KANSL1L: variants seen among roughly 807,000 people sequenced by gnomAD.
KANSL1L encodes KAT8 regulatory NSL complex subunit 1 like, also known as KAT8 regulatory NSL complex subunit 1-like protein.
A neutral mutation model predicts 108.6 loss-of-function variants in KANSL1L; 25 were observed. The ratio of observed to expected loss-of-function variants is 0.23; its 90% CI spans 0.17 to 0.32. The LOEUF (loss-of-function observed/expected upper bound fraction) is 0.32. Ranked by LOEUF, KANSL1L falls within the 10% of genes least tolerant of loss-of-function variation. The pLI, the probability that KANSL1L is intolerant of heterozygous loss-of-function variation, is 1.00. For synonymous variants in KANSL1L, 405 were observed against 395.1 expected, an observed-to-expected ratio of 1.03 and a Z score of -0.30; for missense variants, 1,137 against 1,125.7, an observed-to-expected ratio of 1.01 and a Z score of -0.14.
At chr2:210,091,834 T>C (rs921881486) in intron 5 of KANSL1L, among the ~76,000 whole-genome samples, 1 of 152,192 alleles carries the variant, frequency 6.6e-6, no homozygotes, top group Admixed American at 6.5e-5. Flanking sequence ...GCCCAAAGTA[T>C]ATCCTTTATG....
At position 210,027,440 on chromosome 2, in the gene KANSL1L, C is replaced by T. The variant is rs10173414; in HGVS notation, c.2397-90G>A. The T allele has an allele frequency of 6.7e-4, 524 of 787,354 alleles. 4 individuals carry two copies. In the African/African-American group the frequency reaches 8.5e-3, roughly 13 times the overall value. 48.8% of individuals were successfully genotyped at this position (787,354 alleles called of 1,614,324 possible). On this transcript the variant is annotated intron_variant, in intron 11 of 14. Transcript: ENST00000281772. The stretch of plus-strand genomic sequence containing the variant: ...AGCACAGCTAAATGTATTAGTGTTT[C>T]CTTGGCACTTCCATGGTTCAAATTG...
intron 1 of KANSL1L, among the ~76,000 whole-genome samples, chr2:210,161,172 G>A (rs6435555): frequency 0.33 from 49,327 of 151,466 alleles, 8,070 homozygotes; most frequent in East Asian, 0.51. Context: ...TATTTTTGTA[G>A]AGATGGGGTT....
At position 210,024,060 on chromosome 2, in the gene KANSL1L, A is replaced by G; in HGVS notation, c.2706T>C (p.Pro902=). The G allele has an allele frequency of 1.3e-6, 2 of 1,589,706 alleles. No individual in the cohort carries two copies. The highest frequency in any genetic ancestry group is 1.7e-6 in the Non-Finnish European group (2 of 1,169,430). The change falls in exon 14 of 15, where the codon CCT becomes CCC. Residue 902 remains proline (P), a synonymous_variant. Coordinates refer to ENST00000281772, the MANE Select transcript of KANSL1L (RefSeq NM_152519.4). ...TGGTTTCTTGACTTTGATTTAAAGA[A>G]GGTAAGCCATATGCACACAGATCCT... ...ENQDLCAYGL[P]SLNQSQETKS...
At chr2:210,161,971 T>C (rs966898649) in intron 1 of KANSL1L, among the ~76,000 whole-genome samples, 4 of 151,198 alleles carry the variant, frequency 2.6e-5, no homozygotes, top group Admixed American at 6.6e-5. Flanking sequence ...ATGCCTGTGA[T>C]CCTAGTATTT....
chr2:210,110,694 T>C lies in KANSL1L; in HGVS notation c.1231-6393A>G, dbSNP rs543627245. 3.3e-5 allele frequency among the ~76,000 whole-genome samples: 5 copies of C among 152,240 alleles called. No individual in the cohort carries two copies. In the East Asian group the frequency reaches 9.6e-4, roughly 29 times the overall value. The stretch of plus-strand genomic sequence containing the variant: ...AAATTTGTTTGAACCTCTCAATCTA[T>C]GAGAATTTCACAAAAATGGAAGAGA... On this transcript the variant is annotated intron_variant, in intron 3 of 14. Coordinates refer to ENST00000281772, the MANE Select transcript of KANSL1L (RefSeq NM_152519.4).
chr2:210,165,871 A>T (rs183249960), intron 1 of KANSL1L, among the ~76,000 whole-genome samples: 1 of 152,342 alleles, frequency 6.6e-6, no homozygotes, highest in East Asian at 1.9e-4. Flanking sequence ...ACAGGTGAGT[A>T]CAGTAAGGTA....
rs565551875 is a variant in KANSL1L at position 210,029,834 on chromosome 2, T to C, written c.2240A>G (p.Asn747Ser). 7 of 1,602,456 alleles carry C rather than the reference T, an allele frequency of 4.4e-6. No homozygotes were observed. The highest frequency in any genetic ancestry group is 3.4e-5 in the Admixed American group (2 of 59,590). ...HSNFTAVSNVNVLSRIQNSSR... is the reference protein window; with the variant it reads ...HSNFTAVSNVSVLSRIQNSSR... ...TGAATTCTGGATTCTTGATAAAACG[T>C]TGACATTGGAAACAGCAGTAAAATT... Residue 747 changes from asparagine (N) to serine (S), a missense_variant, in exon 10 of 15, where the codon AAC becomes AGC. Around this residue, in one of 3 missense-constraint regions of KANSL1L, gnomAD observed 575 missense variants for 567.1 expected, o/e 1.01. Coordinates refer to ENST00000281772, the MANE Select transcript of KANSL1L (RefSeq NM_152519.4).
At chr2:210,131,336 C>T (rs1421557265) in intron 2 of KANSL1L, among the ~76,000 whole-genome samples, 3 of 152,174 alleles carry the variant, frequency 2.0e-5, no homozygotes, top group Middle Eastern at 6.8e-3. Context: ...AGAATGGATT[C>T]AAGGTTCATT....
intron 1 of KANSL1L, among the ~76,000 whole-genome samples, chr2:210,169,496 T>C (rs1688199904): frequency 6.6e-6 from 1 of 152,230 alleles, no homozygotes; most frequent in African/African-American, 2.4e-5. Flanking sequence ...GTTTTCTTAT[T>C]TGCACTCATC....
chr2:210,123,707 G>A (rs908360755), intron 3 of KANSL1L, among the ~76,000 whole-genome samples: 1 of 152,024 alleles, frequency 6.6e-6, no homozygotes, highest in Non-Finnish European at 1.5e-5. Context: ...AAGAATAAGT[G>A]TTTGAGGTGA....
intron 2 of KANSL1L, among the ~76,000 whole-genome samples, chr2:210,132,714 TATTTGTTATTTC>T (rs2095133170): frequency 6.6e-6 from 1 of 152,202 alleles, no homozygotes; most frequent in South Asian, 2.1e-4. Context: ...TGCTAGACCC[TATTTGTTATTTC>T]ATTTAGGATT....
At chr2:210,171,658 G>A (rs535371590), upstream of KANSL1L, 106 of 152,134 alleles carry the variant, frequency 7.0e-4, no homozygotes, top group African/African-American at 2.5e-3. Context: ...CCTGGCGAGG[G>A]GGAAAAAAAA....
chr2:210,153,383 A>T (rs1027803302), intron 2 of KANSL1L, 112 bp downstream of exon 2: 12 of 772,456 alleles, frequency 1.6e-5, no homozygotes, highest in African/African-American at 1.3e-4. Context: ...AAAAAAAAAG[A>T]TTATAGCATT....
At chr2:210,056,734 GC>G (rs1305098197) in intron 6 of KANSL1L, among the ~76,000 whole-genome samples, 3 of 152,098 alleles carry the variant, frequency 2.0e-5, no homozygotes, top group Non-Finnish European at 4.4e-5. Flanking sequence ...GCCTGCTTTA[GC>G]CTCCCAAAGA....
At chr2:210,058,987 G>A (rs1463729384) in intron 6 of KANSL1L, among the ~76,000 whole-genome samples, 1 of 151,826 alleles carries the variant, frequency 6.6e-6, no homozygotes, top group Non-Finnish European at 1.5e-5. Context: ...TGACACTTAG[G>A]GAAAACAGAA....
intron 2 of KANSL1L, among the ~76,000 whole-genome samples, chr2:210,132,074 A>G (rs1246537692): frequency 6.6e-6 from 1 of 152,230 alleles, no homozygotes; most frequent in Non-Finnish European, 1.5e-5. Context: ...TATGCTTATA[A>G]GTGGTAAACA....
At chr2:210,172,389 C>G (rs988537436), upstream of KANSL1L, among the ~76,000 whole-genome samples, 1 of 152,170 alleles carries the variant, frequency 6.6e-6, no homozygotes. Context: ...TGGATAAGAT[C>G]CCGGGGGCGG....
intron 3 of KANSL1L, among the ~76,000 whole-genome samples, chr2:210,114,302 G>A (rs1454340616): frequency 1.3e-5 from 2 of 151,810 alleles, no homozygotes; most frequent in African/African-American, 4.8e-5. Flanking sequence ...AAGAAAACAA[G>A]ACAAAATAAC....
chr2:210,148,507 T>C (rs952962557), intron 2 of KANSL1L, among the ~76,000 whole-genome samples: 1 of 152,124 alleles, frequency 6.6e-6, no homozygotes, highest in Non-Finnish European at 1.5e-5. Context: ...CAAAAATCCA[T>C]TCATCTTACA....
Sources: gnomAD v4.1 joint callset for allele counts (sites outside exome capture counted in the v4.1 genomes callset) on GRCh38, gnomAD v4.1.1 for gene constraint, gnomAD v4.1.1 regional missense constraint, MANE v1.5 for transcripts, NCBI Gene and HGNC (gene_info 2026-07-23, HGNC 2026-07-21) for gene names.